The following EYA3 variants were observed in gnomAD, a reference collection of about 807,000 sequenced individuals.
EYA3 encodes the protein protein phosphatase EYA3.
In EYA3, 39 loss-of-function variants were observed where a neutral mutation model predicts 80.0. The observed-to-expected ratio is 0.49, with a 90% CI of 0.38 to 0.64. EYA3 has a LOEUF of 0.64. Among genes scored for constraint, EYA3 ranks in the 30% least tolerant of loss-of-function variants. EYA3 has a pLI of 0.00. For synonymous variants in EYA3, 206 were observed against 232.8 expected, an observed-to-expected ratio of 0.88 and a Z score of 1.05; for missense variants, 523 against 676.1, an observed-to-expected ratio of 0.77 and a Z score of 2.51.
chr1:28,043,417 A>G (rs1229826434), intron 3 of EYA3, among the ~76,000 whole-genome samples: 1 of 151,888 alleles, frequency 6.6e-6, no homozygotes, highest in Non-Finnish European at 1.5e-5. Flanking sequence ...TATTACAGTC[A>G]CCATTCTGTG....
intron 7 of EYA3, among the ~76,000 whole-genome samples, chr1:28,022,807 T>G (rs1315557491): frequency 6.6e-6 from 1 of 151,698 alleles, no homozygotes; most frequent in African/African-American, 2.4e-5. Context: ...CTCGACCTCC[T>G]AAGGCTCAGG....
intron 1 of EYA3, among the ~76,000 whole-genome samples, chr1:28,073,125 ATAT>A (rs1557646100): frequency 3.1e-5 from 1 of 32,594 alleles, no homozygotes. Context: ...ATATATATAT[ATAT>A]TTTTTTTTTT....
intron 10 of EYA3, among the ~76,000 whole-genome samples, chr1:28,008,441 A>G (rs749842880): frequency 2.6e-5 from 4 of 152,270 alleles, no homozygotes; most frequent in Admixed American, 6.5e-5. Context: ...AAGCACAGCA[A>G]TAATAGAAAT....
In EYA3 at chr1:27,974,555, G is replaced by A; in HGVS notation, c.1642-9C>T. ...CAGAAAGGCATGTTGTGCTGGAAGA[G>A]AGTGGGAATAGCTGGTTAATCCAAC... On this transcript the variant is annotated splice_polypyrimidine_tract_variant and intron_variant, in intron 17 of 17. Transcript: ENST00000373871. 2 of 1,610,950 alleles carry A rather than the reference G, an allele frequency of 1.2e-6. No homozygotes were observed. Among genetic ancestry groups the A allele is most frequent in the South Asian group, 2.2e-5 (2 of 91,012 alleles).
chr1:27,985,267 A>G (rs1395896764), intron 16 of EYA3, among the ~76,000 whole-genome samples: 1 of 151,654 alleles, frequency 6.6e-6, no homozygotes, highest in East Asian at 1.9e-4. Context: ...AAAAACAAAA[A>G]CAAAAACAAC....
chr1:27,977,505 A>AT, intron 17 of EYA3: 1 of 1,052,548 alleles, frequency 9.5e-7, no homozygotes, highest in Non-Finnish European at 1.4e-6. Flanking sequence ...CACAGATGGG[A>AT]TTTTAAGTTC....
In EYA3 at chr1:27,986,051, T is replaced by C. The variant is rs1397705761; in HGVS notation, c.1540+2484A>G. ...AAAAGCTGGTAAAATATGCATAACA[T>C]GAAATTCACTAATCTTTAAAACAAA... On this transcript the variant is annotated intron_variant, in intron 16 of 17. Transcript: ENST00000373871. Among the ~76,000 whole-genome samples the C allele has an allele frequency of 2.6e-5, 4 of 152,050 alleles. No individual in the cohort carries two copies. In the South Asian group the frequency reaches 8.3e-4, roughly 32 times the overall value.
At position 28,009,500 on chromosome 1, in the gene EYA3, A is replaced by C. The variant is rs1641533616; in HGVS notation, c.909+1447T>G. On this transcript the variant is annotated intron_variant, in intron 10 of 17. Coordinates refer to ENST00000373871, the MANE Select transcript of EYA3 (RefSeq NM_001990.4). This position sits in a 1 kb window ranked among gnomAD's most constrained non-coding sequence, Gnocchi z 4.8. ...CCCTGTCTCTACTAAAAATACAAAA[A>C]TTAGCCAGGCATGGTGGTGTGCACC... is the stretch of plus-strand genomic sequence containing the variant. Among the ~76,000 whole-genome samples the C allele has an allele frequency of 6.6e-6, 1 of 152,082 alleles. No individual in the cohort carries two copies. Among genetic ancestry groups the C allele is most frequent in the Non-Finnish European group, 1.5e-5 (1 of 68,018 alleles).
At chr1:28,076,666 T>TA (rs745971576) in intron 1 of EYA3, among the ~76,000 whole-genome samples, 520 of 40,222 alleles carry the variant, frequency 0.013, no homozygotes, top group African/African-American at 0.017. Context: ...AGACTCTGCC[T>TA]AAAAAAAAAA....
chr1:28,047,181 G>A (rs1644041897), intron 3 of EYA3, among the ~76,000 whole-genome samples: 1 of 151,778 alleles, frequency 6.6e-6, no homozygotes, highest in African/African-American at 2.4e-5. Context: ...CGCCCAGGCT[G>A]GAGTGCAGTG....
At chr1:28,014,886 T>C (rs895927384) in intron 8 of EYA3, among the ~76,000 whole-genome samples, 4 of 152,206 alleles carry the variant, frequency 2.6e-5, no homozygotes, top group Non-Finnish European at 5.9e-5. Context: ...GTATGACAGT[T>C]CAAATACGCA....
chr1:28,084,069 T>C (rs1461230224), intron 1 of EYA3, among the ~76,000 whole-genome samples: 1 of 152,224 alleles, frequency 6.6e-6, no homozygotes, highest in Non-Finnish European at 1.5e-5. Context: ...TATTAAGCAC[T>C]GACTGCCTTG....
At chr1:28,042,946 GC>G (rs1289824964) in intron 3 of EYA3, among the ~76,000 whole-genome samples, 1 of 152,098 alleles carries the variant, frequency 6.6e-6, no homozygotes, top group Non-Finnish European at 1.5e-5. Flanking sequence ...CTGGGTTCAA[GC>G]AATTCTCCTG....
At chr1:28,047,611 T>C (rs1258503125) in intron 3 of EYA3, among the ~76,000 whole-genome samples, 1 of 150,922 alleles carries the variant, frequency 6.6e-6, no homozygotes, top group African/African-American at 2.4e-5. Flanking sequence ...AGCCAAACTG[T>C]GAGGTGCAAA....
intron 16 of EYA3, among the ~76,000 whole-genome samples, chr1:27,987,893 G>T (rs1219429626): frequency 6.6e-6 from 1 of 152,064 alleles, no homozygotes; most frequent in Non-Finnish European, 1.5e-5. Flanking sequence ...AAGACATAGG[G>T]TCTCATTCTG....
At chr1:28,027,112 T>C (rs546127371) in intron 7 of EYA3, among the ~76,000 whole-genome samples, 2 of 152,166 alleles carry the variant, frequency 1.3e-5, no homozygotes, top group Non-Finnish European at 2.9e-5. Context: ...GGTACAAGGA[T>C]ACTAGTCCCA....
intron 2 of EYA3, among the ~76,000 whole-genome samples, chr1:28,055,641 T>C (rs1283008100): frequency 6.6e-6 from 1 of 152,008 alleles, no homozygotes; most frequent in East Asian, 1.9e-4. Context: ...TGGCTAATTT[T>C]TGTATTTTTA....
At chr1:28,046,329 T>G (rs1240861612) in intron 3 of EYA3, among the ~76,000 whole-genome samples, 2 of 152,314 alleles carry the variant, frequency 1.3e-5, no homozygotes, top group African/African-American at 4.8e-5. Context: ...GGTGATGGGT[T>G]CTTTCAAACA....
intron 10 of EYA3, among the ~76,000 whole-genome samples, chr1:28,007,216 A>AG (rs1641347482): frequency 6.6e-6 from 1 of 152,026 alleles, no homozygotes; most frequent in South Asian, 2.1e-4. Flanking sequence ...CTGGGATTAG[A>AG]GGCGTGAGCC....
Sources: gnomAD v4.1 joint callset for allele counts (sites outside exome capture counted in the v4.1 genomes callset) on GRCh38, gnomAD v4.1.1 for gene constraint, Gnocchi (gnomAD v3.1) non-coding constraint, MANE v1.5 for transcripts, NCBI Gene and HGNC (gene_info 2026-07-23, HGNC 2026-07-21) for gene names.